Variants in ASCC3 observed in about 807,000 individuals in gnomAD.
ASCC3 encodes ASC-1 complex subunit P200.
In ASCC3, 158 loss-of-function variants were observed where a neutral mutation model predicts 256.3. The ratio of observed to expected loss-of-function variants is 0.62; its 90% CI spans 0.54 to 0.70. The LOEUF (loss-of-function observed/expected upper bound fraction) is 0.70, where lower values mean the gene tolerates loss of function less well. ASCC3 is among the 30% of genes least tolerant of loss of function. The pLI is 0.00. For missense variants in ASCC3, 2,259 were observed against 2,626.0 expected, an observed-to-expected ratio of 0.86 and a Z score of 3.05; for synonymous variants, 948 against 883.4, an observed-to-expected ratio of 1.07 and a Z score of -1.30.
At chr6:100,710,687 C>A (rs576032975) in intron 13 of ASCC3, among the ~76,000 whole-genome samples, 1 of 152,168 alleles carries the variant, frequency 6.6e-6, no homozygotes, top group South Asian at 2.1e-4. Flanking sequence ...GAGGAAAGTT[C>A]TCCTAGGATC....
intron 36 of ASCC3, among the ~76,000 whole-genome samples, chr6:100,568,936 C>T (rs1465720345): frequency 1.3e-5 from 2 of 151,758 alleles, no homozygotes; most frequent in Non-Finnish European, 2.9e-5. Flanking sequence ...CGCCACCATG[C>T]CCAGCTAATT....
intron 36 of ASCC3, among the ~76,000 whole-genome samples, chr6:100,568,800 CAG>C (rs1770421863): frequency 1.4e-5 from 2 of 146,644 alleles, no homozygotes; most frequent in Admixed American, 6.8e-5. Flanking sequence ...TTTTTTGAGA[CAG>C]AGTCTCCCTC....
chr6:100,538,374 T>TA (rs767850339), intron 37 of ASCC3, among the ~76,000 whole-genome samples: 2 of 152,110 alleles, frequency 1.3e-5, no homozygotes, highest in Non-Finnish European at 2.9e-5. Flanking sequence ...CAAAAGAGTG[T>TA]AAAAACGTGT....
chr6:100,575,498 G>A (rs894718860), intron 36 of ASCC3, among the ~76,000 whole-genome samples: 1 of 151,892 alleles, frequency 6.6e-6, no homozygotes, highest in Non-Finnish European at 1.5e-5. Flanking sequence ...TACTGAGAAC[G>A]GCTAAACCTA....
chr6:100,562,700 C>T (rs547782744), intron 36 of ASCC3, among the ~76,000 whole-genome samples: 5 of 151,944 alleles, frequency 3.3e-5, no homozygotes, highest in African/African-American at 1.2e-4. Flanking sequence ...GCTGTGAAGA[C>T]CATTTGTATA....
At chr6:100,527,315 T>C (rs1429493983) in intron 37 of ASCC3, among the ~76,000 whole-genome samples, 1 of 152,202 alleles carries the variant, frequency 6.6e-6, no homozygotes, top group Non-Finnish European at 1.5e-5. Flanking sequence ...AAGAGAACGT[T>C]TTCTTGGTCT....
intron 36 of ASCC3, among the ~76,000 whole-genome samples, chr6:100,550,920 A>G (rs971034651): frequency 6.6e-6 from 1 of 151,892 alleles, no homozygotes; most frequent in Non-Finnish European, 1.5e-5. Flanking sequence ...TATTTTTCTA[A>G]GTTTAATAAG....
Position 100,517,976 on chromosome 6 carries a change from A to G in ASCC3, c.5927+15T>C, listed in dbSNP as rs889910754. 7.4e-6 allele frequency: 12 copies of G among 1,611,812 alleles called. No homozygotes were observed. The highest frequency in any genetic ancestry group is 1.0e-5 in the Non-Finnish European group (12 of 1,178,388). ...ATCAAAACAAAACAATTACATTGAA[A>G]AGTAAAACAATTACTTGAAAAGGTG... On this transcript the variant is annotated intron_variant, in intron 38 of 41. Transcript: ENST00000369162.
intron 5 of ASCC3, among the ~76,000 whole-genome samples, chr6:100,804,437 C>T (rs1350232430): frequency 6.6e-6 from 1 of 152,006 alleles, no homozygotes; most frequent in Non-Finnish European, 1.5e-5. Context: ...ATTTGCTATG[C>T]AGAAGCTCTT....
intron 36 of ASCC3, among the ~76,000 whole-genome samples, chr6:100,545,850 G>C (rs1452294295): frequency 6.6e-6 from 1 of 152,136 alleles, no homozygotes; most frequent in Non-Finnish European, 1.5e-5. Context: ...CAAAGCGCTG[G>C]GATTACATAT....
At position 100,799,592 on chromosome 6, in the gene ASCC3, C is replaced by T. The variant is rs1182920437; in HGVS notation, c.1128-20G>A. 6.2e-7 allele frequency: 1 copy of T among 1,608,260 alleles called. No homozygotes were observed. The highest frequency in any genetic ancestry group is 8.5e-7 in the Non-Finnish European group (1 of 1,177,652). On this transcript the variant is annotated intron_variant, in intron 6 of 41. Coordinates refer to ENST00000369162, the MANE Select transcript of ASCC3 (RefSeq NM_006828.4). ...TGTTCTCTGTAAACATAAAAATAGG[C>T]CTAATTTGAAATGTTTATCTTGAAA... is the stretch of plus-strand genomic sequence containing the variant.
intron 13 of ASCC3, among the ~76,000 whole-genome samples, chr6:100,691,913 G>GT (rs139422303): frequency 0.012 from 1,845 of 151,700 alleles, 40 homozygotes; most frequent in African/African-American, 0.042. Context: ...ATTTTTATCT[G>GT]TAAGATGGAG....
At chr6:100,745,355 G>A (rs1780613552) in intron 10 of ASCC3, among the ~76,000 whole-genome samples, 1 of 151,336 alleles carries the variant, frequency 6.6e-6, no homozygotes, top group South Asian at 2.1e-4. Context: ...AGGCATGGTG[G>A]CAGGCTCCTG....
intron 26 of ASCC3, among the ~76,000 whole-genome samples, chr6:100,629,427 A>T (rs1396916822): frequency 6.6e-6 from 1 of 152,186 alleles, no homozygotes; most frequent in Non-Finnish European, 1.5e-5. Context: ...TTTTATACAG[A>T]TATACAAGGA....
intron 36 of ASCC3, among the ~76,000 whole-genome samples, chr6:100,555,700 T>A (rs1769536620): frequency 6.6e-6 from 1 of 152,222 alleles, no homozygotes; most frequent in African/African-American, 2.4e-5. Flanking sequence ...AGCTTAACAA[T>A]GTTTAGATAT....
At chr6:100,827,792 ATTT>A (rs957126560) in intron 4 of ASCC3, among the ~76,000 whole-genome samples, 3 of 152,008 alleles carry the variant, frequency 2.0e-5, no homozygotes, top group African/African-American at 4.8e-5. Flanking sequence ...ATCACAGAAA[ATTT>A]TTTATTTTCA....
At chr6:100,648,038 A>T (rs1259046187) in intron 20 of ASCC3, among the ~76,000 whole-genome samples, 1 of 152,070 alleles carries the variant, frequency 6.6e-6, no homozygotes, top group Non-Finnish European at 1.5e-5. Flanking sequence ...ATTGATATTA[A>T]TATTATGATT....
chr6:100,714,933 A>G (rs7761055), intron 13 of ASCC3, among the ~76,000 whole-genome samples: 147,882 of 152,034 alleles, frequency 0.97, 72,060 homozygotes, highest in East Asian at 1. Context: ...AACAACCTAA[A>G]GGCCAGGAAA....
chr6:100,811,865 C>T (rs1387927901), intron 4 of ASCC3, among the ~76,000 whole-genome samples: 2 of 152,040 alleles, frequency 1.3e-5, no homozygotes, highest in Non-Finnish European at 1.5e-5. Context: ...CAACACTGAC[C>T]TCTAAAATCA....
Sources: gnomAD v4.1 joint callset for allele counts (sites outside exome capture counted in the v4.1 genomes callset) on GRCh38, gnomAD v4.1.1 for gene constraint, MANE v1.5 for transcripts, NCBI Gene and HGNC (gene_info 2026-07-23, HGNC 2026-07-21) for gene names.